Variants in PDZD9 observed in about 807,000 individuals in gnomAD.
The protein encoded by PDZD9 is PDZ domain-containing protein 9.
Under a neutral mutation model 16.3 loss-of-function variants are expected in PDZD9, and 13 were observed. The ratio of observed to expected loss-of-function variants is 0.80; its 90% CI spans 0.52 to 1.27. The LOEUF (loss-of-function observed/expected upper bound fraction) is 1.27, where lower values mean the gene tolerates loss of function less well. Among genes scored for constraint, PDZD9 ranks in the 50% most tolerant of loss-of-function variants. The pLI is 0.00. For missense variants in PDZD9, 288 were observed against 310.9 expected, an observed-to-expected ratio of 0.93 and a Z score of 0.55; for synonymous variants, 120 against 111.0, an observed-to-expected ratio of 1.08 and a Z score of -0.51.
At chr16:21,968,811 CAAT>C in the PDZD9 span, 1 of 675,838 alleles carries the variant, frequency 1.5e-6, no homozygotes, top group African/African-American at 1.9e-5. Flanking sequence ...GTCAGACAGG[CAAT>C]ATATCATAGG....
At chr16:21,958,718 C>G in the PDZD9 span, 1 of 851,138 alleles carries the variant, frequency 1.2e-6, no homozygotes, top group African/African-American at 1.7e-5. Flanking sequence ...AAGGAAAAGA[C>G]TGATGAATTT....
the PDZD9 span, chr16:21,957,673 C>T: frequency 6.8e-7 from 1 of 1,461,368 alleles, no homozygotes; most frequent in African/African-American, 1.4e-5. Context: ...CTTGACCTGC[C>T]ATAACAAATT....
intron 2 of PDZD9, among the ~76,000 whole-genome samples, chr16:21,990,443 C>T (rs560441252): frequency 6.6e-6 from 1 of 152,208 alleles, no homozygotes; most frequent in Non-Finnish European, 1.5e-5. Context: ...GCTCTAGATC[C>T]TATCAGAAAC....
chr16:21,996,004 C>T (rs1361266922), intron 2 of PDZD9, among the ~76,000 whole-genome samples: 1 of 152,096 alleles, frequency 6.6e-6, no homozygotes, highest in Non-Finnish European at 1.5e-5. Flanking sequence ...GTTGGCCAGG[C>T]TGGTCTCGAA....
the PDZD9 span, among the ~76,000 whole-genome samples, chr16:21,969,080 T>A: frequency 6.6e-6 from 1 of 152,182 alleles, no homozygotes; most frequent in African/African-American, 2.4e-5. Context: ...ATGATCAGCC[T>A]CACTAATAAT....
intron 1 of PDZD9, among the ~76,000 whole-genome samples, chr16:22,000,768 G>C (rs34948630): frequency 0.084 from 12,793 of 151,600 alleles, 754 homozygotes; most frequent in South Asian, 0.25. Flanking sequence ...AGGTTGCAGT[G>C]AGCTGAGATC....
At chr16:21,999,034 GA>G (rs1171145993) in intron 1 of PDZD9, 1 of 174,488 alleles carries the variant, frequency 5.7e-6, no homozygotes, top group Non-Finnish European at 1.3e-5. Flanking sequence ...AACTAGTTGA[GA>G]AAGAAGAAAA....
the PDZD9 span, among the ~76,000 whole-genome samples, chr16:21,970,020 A>G: frequency 6.6e-6 from 1 of 152,042 alleles, no homozygotes; most frequent in Non-Finnish European, 1.5e-5. Context: ...CTTTGTCTCT[A>G]TAGATTTGAC....
At chr16:21,974,101 A>G in the PDZD9 span, 3 of 774,858 alleles carry the variant, frequency 3.9e-6, no homozygotes, top group Admixed American at 3.1e-5. Context: ...AGCTCTGTAT[A>G]GTATGATGTC....
At chr16:21,992,401 A>G (rs928572640) in intron 2 of PDZD9, among the ~76,000 whole-genome samples, 1 of 152,196 alleles carries the variant, frequency 6.6e-6, no homozygotes, top group Non-Finnish European at 1.5e-5. Flanking sequence ...GATCGGTTCA[A>G]AGGATGCAAA....
chr16:21,975,647 T>C, the PDZD9 span, among the ~76,000 whole-genome samples: 2 of 152,222 alleles, frequency 1.3e-5, no homozygotes, highest in Admixed American at 1.3e-4. Flanking sequence ...TGACCCTGGC[T>C]TACAAAGTAT....
the PDZD9 span, among the ~76,000 whole-genome samples, chr16:21,963,815 A>T: frequency 6.6e-6 from 1 of 152,014 alleles, no homozygotes; most frequent in South Asian, 2.1e-4. Context: ...ATCCTACACC[A>T]GTTTATTGCT....
In PDZD9 at chr16:21,984,397, T is replaced by C. The variant is rs1428483899; in HGVS notation, c.665A>G (p.Tyr222Cys). The change falls in exon 4 of 4, where the codon TAC (tyrosine) becomes TGC (cysteine). Residue 222 changes from tyrosine to cysteine, a missense_variant. Coordinates refer to ENST00000424898, the MANE Select transcript of PDZD9 (RefSeq NM_001363519.1). ...ATTGTCTTGCTTCACCATTATCCAG[T>C]ATGGAGAAGGGGCCCTCACTTCTTT... ...DKKEVRAPSP[Y>C]WIMVKQDNES... 6.2e-7 allele frequency: 1 copy of C among 1,613,992 alleles called. No individual in the cohort carries two copies. The highest frequency in any genetic ancestry group is 8.5e-7 in the Non-Finnish European group (1 of 1,180,000).
chr16:21,979,881 A>G (rs1898674150), downstream of PDZD9, among the ~76,000 whole-genome samples: 1 of 152,184 alleles, frequency 6.6e-6, no homozygotes, highest in Non-Finnish European at 1.5e-5. Flanking sequence ...AAACATCATT[A>G]TGTAGTACAT....
At chr16:21,961,907 C>T in the PDZD9 span, among the ~76,000 whole-genome samples, 1 of 151,956 alleles carries the variant, frequency 6.6e-6, no homozygotes, top group East Asian at 1.9e-4. Context: ...CCCACCTCGG[C>T]CTCCCAAAGT....
chr16:21,963,106 A>G, the PDZD9 span: 30 of 377,954 alleles, frequency 7.9e-5, no homozygotes, highest in South Asian at 8.2e-4. Flanking sequence ...CTCCTGCCTC[A>G]GCCTCCTGAG....
the PDZD9 span, chr16:21,962,734 T>C: frequency 3.1e-6 from 5 of 1,613,704 alleles, no homozygotes; most frequent in East Asian, 2.2e-5. Context: ...TTTTGACTCA[T>C]AATTCTTATC....
Position 21,984,396 on chromosome 16 carries a change from G to A in PDZD9, c.666C>T (p.Tyr222=), listed in dbSNP as rs148420665. ...DKKEVRAPSP[Y]WIMVKQDNES... is the part of the protein sequence containing the mutation. Reference sequence around the variant, plus strand: ...CATTGTCTTGCTTCACCATTATCCAGTATGGAGAAGGGGCCCTCACTTCTT... The same window carrying A: ...CATTGTCTTGCTTCACCATTATCCAATATGGAGAAGGGGCCCTCACTTCTT... The change falls in exon 4 of 4, where the codon TAC becomes TAT. Residue 222 remains tyrosine (Y), a synonymous_variant. Coordinates refer to ENST00000424898, the MANE Select transcript of PDZD9 (RefSeq NM_001363519.1). 6 of 1,614,014 alleles carry A rather than the reference G, an allele frequency of 3.7e-6. No homozygotes were observed. In the African/African-American group the frequency reaches 6.7e-5, roughly 18 times the overall value.
chr16:21,966,640 C>G, the PDZD9 span, among the ~76,000 whole-genome samples: 3 of 152,172 alleles, frequency 2.0e-5, no homozygotes. Context: ...CAGTTTGATG[C>G]CTTTCATTCA....
Sources: gnomAD v4.1 joint callset for allele counts (sites outside exome capture counted in the v4.1 genomes callset) on GRCh38, gnomAD v4.1.1 for gene constraint, MANE v1.5 for transcripts, NCBI Gene and HGNC (gene_info 2026-07-23, HGNC 2026-07-21) for gene names.